GPC6: variants seen among roughly 807,000 people sequenced by gnomAD.
The protein encoded by GPC6 is glypican 6.
A neutral mutation model predicts 55.2 loss-of-function variants in GPC6; 14 were observed. The ratio of observed to expected loss-of-function variants is 0.25; its 90% CI spans 0.17 to 0.40. The LOEUF (loss-of-function observed/expected upper bound fraction) is 0.40. GPC6 is among the 10% of genes least tolerant of loss of function. The pLI is 1.00. For synonymous variants in GPC6, 278 were observed against 259.6 expected (o/e 1.07, Z -0.68); for missense variants, 641 against 708.5 (o/e 0.90, Z 1.08).
chr13:94,041,571 T>C (rs1883534356), intron 4 of GPC6, among the ~76,000 whole-genome samples: 1 of 151,896 alleles, frequency 6.6e-6, no homozygotes, highest in South Asian at 2.1e-4. Flanking sequence ...AAAGCATTTC[T>C]CTGTTTAATT....
chr13:93,458,303 G>A (rs953195917), intron 1 of GPC6, among the ~76,000 whole-genome samples: 3 of 152,058 alleles, frequency 2.0e-5, no homozygotes, highest in African/African-American at 7.2e-5. Flanking sequence ...TTGTGAAAAT[G>A]TCCTCCCCTA....
chr13:93,286,991 C>G (rs1878150264), intron 1 of GPC6, among the ~76,000 whole-genome samples: 1 of 151,956 alleles, frequency 6.6e-6, no homozygotes, highest in African/African-American at 2.4e-5. Context: ...TATACACAAA[C>G]GTTGTTTCAT....
chr13:94,138,123 A>C (rs1887249527), intron 4 of GPC6, among the ~76,000 whole-genome samples: 1 of 152,218 alleles, frequency 6.6e-6, no homozygotes, highest in Non-Finnish European at 1.5e-5. Context: ...CCAAAATCTG[A>C]AACATTTTGA....
intron 2 of GPC6, among the ~76,000 whole-genome samples, chr13:93,712,165 A>G (rs188482243): frequency 9.3e-4 from 142 of 151,884 alleles, no homozygotes; most frequent in African/African-American, 3.1e-3. Flanking sequence ...TGTCTTTCAT[A>G]TAGCAGCATT....
chr13:93,302,121 TA>T (rs1380105917), intron 1 of GPC6, among the ~76,000 whole-genome samples: 1 of 152,192 alleles, frequency 6.6e-6, no homozygotes, highest in Non-Finnish European at 1.5e-5. Context: ...GGCCTCTGTT[TA>T]TGAGCAAGGA....
Position 94,115,247 on chromosome 13 carries a change from C to T in GPC6, c.877+87353C>T, listed in dbSNP as rs148045575. ...ATACAGTCATGTGGCTGCAAATGTCCTCCAGGGGGCCATTTAGCTATCTCC... is the reference window on the plus strand; with the variant it reads ...ATACAGTCATGTGGCTGCAAATGTCTTCCAGGGGGCCATTTAGCTATCTCC... On this transcript the variant is annotated intron_variant, in intron 4 of 8. Transcript: ENST00000377047. 1.8e-3 allele frequency among the ~76,000 whole-genome samples: 275 copies of T among 152,046 alleles called. 1 individual carries two copies. The highest frequency in any genetic ancestry group is 6.1e-3 in the African/African-American group (253 of 41,390).
intron 2 of GPC6, among the ~76,000 whole-genome samples, chr13:93,680,460 C>G (rs567750880): frequency 6.6e-6 from 1 of 152,092 alleles, no homozygotes. Flanking sequence ...AGATTCTGAG[C>G]AGAGGAAACC....
intron 1 of GPC6, among the ~76,000 whole-genome samples, chr13:93,228,356 A>T (rs1875886286): frequency 6.6e-6 from 1 of 152,006 alleles, no homozygotes; most frequent in Non-Finnish European, 1.5e-5. Context: ...CCCGGTCTGG[A>T]GCCGGCCTCG....
intron 2 of GPC6, among the ~76,000 whole-genome samples, chr13:93,563,883 A>T (rs1425079538): frequency 2.0e-5 from 3 of 151,960 alleles, no homozygotes; most frequent in East Asian, 1.9e-4. Flanking sequence ...CTAATGTATA[A>T]TTTTTTTTAT....
chr13:93,463,603 C>G (rs993561452), intron 1 of GPC6, among the ~76,000 whole-genome samples: 1 of 152,180 alleles, frequency 6.6e-6, no homozygotes, highest in Non-Finnish European at 1.5e-5. Context: ...TAATTTTTAG[C>G]ATGCCACTGT....
At position 93,490,140 on chromosome 13, in the gene GPC6, C is replaced by T. The variant is rs573853175; in HGVS notation, c.161-55123C>T. ...AGCTCTTATTATTTTGAGATATGTC[C>T]CATCAATACCTAATTTATTGAGAGT... On this transcript the variant is annotated intron_variant, in intron 1 of 8. Coordinates refer to ENST00000377047, the MANE Select transcript of GPC6 (RefSeq NM_005708.5). Among the ~76,000 whole-genome samples, 40 of 151,508 alleles carry T rather than the reference C, an allele frequency of 2.6e-4. No homozygotes were observed. In the South Asian group the frequency reaches 7.9e-3, roughly 30 times the overall value.
intron 6 of GPC6, among the ~76,000 whole-genome samples, chr13:94,353,148 T>G (rs1566710111): frequency 6.6e-6 from 1 of 152,100 alleles, no homozygotes; most frequent in Non-Finnish European, 1.5e-5. Flanking sequence ...GAGGGAGACA[T>G]GAGTTTGCCC....
intron 4 of GPC6, among the ~76,000 whole-genome samples, chr13:94,036,585 T>A (rs536557288): frequency 6.6e-6 from 1 of 151,972 alleles, no homozygotes; most frequent in South Asian, 2.1e-4. Flanking sequence ...GGAAATTAGC[T>A]GATTTGAAAA....
chr13:93,714,828 G>A (rs1883194597), intron 2 of GPC6, among the ~76,000 whole-genome samples: 1 of 151,544 alleles, frequency 6.6e-6, no homozygotes, highest in Admixed American at 6.6e-5. Flanking sequence ...TAATTAGAGG[G>A]AGGGTTATTC....
chr13:94,305,217 C>G (rs1875879751), intron 5 of GPC6, among the ~76,000 whole-genome samples: 1 of 152,114 alleles, frequency 6.6e-6, no homozygotes, highest in African/African-American at 2.4e-5. Context: ...TGAACCGTTG[C>G]AGCAATGAGA....
chr13:93,853,081 A>G (rs534100224), intron 3 of GPC6, among the ~76,000 whole-genome samples: 1 of 151,850 alleles, frequency 6.6e-6, no homozygotes, highest in South Asian at 2.1e-4. Context: ...TATGTTTACT[A>G]TTTCCTCTTC....
chr13:93,720,388 G>T (rs906679150), intron 2 of GPC6, among the ~76,000 whole-genome samples: 11 of 151,970 alleles, frequency 7.2e-5, no homozygotes, highest in Admixed American at 1.3e-4. Flanking sequence ...ATGGTAGTTT[G>T]TATTTCTGTG....
intron 2 of GPC6, among the ~76,000 whole-genome samples, chr13:93,649,932 A>G (rs1340740923): frequency 3.9e-5 from 6 of 152,180 alleles, no homozygotes; most frequent in African/African-American, 1.4e-4. Context: ...TGGTGAATAG[A>G]CGCCCATATT....
intron 4 of GPC6, among the ~76,000 whole-genome samples, chr13:94,262,949 A>G (rs1363642137): frequency 1.3e-5 from 2 of 152,244 alleles, no homozygotes; most frequent in Admixed American, 1.3e-4. Flanking sequence ...GACATTAACA[A>G]TGAAAATTGC....
Sources: allele counts gnomAD v4.1 joint callset (sites outside exome capture counted in the v4.1 genomes callset), GRCh38; gene constraint gnomAD v4.1.1; transcripts MANE v1.5; gene names NCBI Gene and HGNC (gene_info 2026-07-23, HGNC 2026-07-21).